LRRTM4: variants seen among roughly 807,000 people sequenced by gnomAD.
The protein encoded by LRRTM4 is leucine rich repeat transmembrane neuronal 4, also known as leucine-rich repeat transmembrane neuronal protein 4.
In LRRTM4, 25 loss-of-function variants were observed where a neutral mutation model predicts 47.6. The ratio of observed to expected loss-of-function variants is 0.53; its 90% CI spans 0.38 to 0.73. The LOEUF (loss-of-function observed/expected upper bound fraction) is 0.73, where lower values mean the gene tolerates loss of function less well. LRRTM4 is among the 30% of genes least tolerant of loss of function. LRRTM4 has a pLI of 0.00. For synonymous variants in LRRTM4, 311 were observed against 269.5 expected (o/e 1.15, Z -1.51); for missense variants, 638 against 713.4 (o/e 0.89, Z 1.20).
intron 3 of LRRTM4, among the ~76,000 whole-genome samples, chr2:77,414,792 G>A (rs181652620): frequency 2.6e-5 from 4 of 152,246 alleles, no homozygotes; most frequent in South Asian, 2.1e-4. Flanking sequence ...CTCCTGCCCC[G>A]CTCTATACCA....
At chr2:77,220,405 T>A (rs1192936456) in intron 3 of LRRTM4, among the ~76,000 whole-genome samples, 1 of 151,978 alleles carries the variant, frequency 6.6e-6, no homozygotes, top group Admixed American at 6.6e-5. Flanking sequence ...ATCAAACTAC[T>A]CCGAGCTAAA....
At chr2:77,361,205 C>G (rs1437712005) in intron 3 of LRRTM4, among the ~76,000 whole-genome samples, 1 of 151,354 alleles carries the variant, frequency 6.6e-6, no homozygotes, top group African/African-American at 2.4e-5. Flanking sequence ...CCACTCACTT[C>G]TCTTAGCACA....
At chr2:77,380,821 C>A (rs145719453) in intron 3 of LRRTM4, among the ~76,000 whole-genome samples, 1 of 150,596 alleles carries the variant, frequency 6.6e-6, no homozygotes, top group African/African-American at 2.4e-5. Flanking sequence ...AAAAGACTTA[C>A]GGTACACTAT....
At chr2:77,117,572 C>G (rs1345189567) in intron 3 of LRRTM4, among the ~76,000 whole-genome samples, 1 of 151,684 alleles carries the variant, frequency 6.6e-6, no homozygotes, top group Non-Finnish European at 1.5e-5. Flanking sequence ...TATCTAAAAA[C>G]TTTTTGTTCC....
intron 3 of LRRTM4, among the ~76,000 whole-genome samples, chr2:77,138,914 C>G (rs1274654407): frequency 1.3e-5 from 2 of 152,110 alleles, no homozygotes; most frequent in Non-Finnish European, 2.9e-5. Context: ...ACTCCCAAGA[C>G]TAAACCAGGA....
At chr2:77,054,185 C>T (rs1241531279) in intron 3 of LRRTM4, among the ~76,000 whole-genome samples, 1 of 152,108 alleles carries the variant, frequency 6.6e-6, no homozygotes, top group East Asian at 1.9e-4. Context: ...AGAGACGGTG[C>T]CTTGGGAGAG....
At chr2:76,831,711 G>C (rs543743966) in intron 3 of LRRTM4, among the ~76,000 whole-genome samples, 2 of 152,226 alleles carry the variant, frequency 1.3e-5, no homozygotes, top group East Asian at 3.9e-4. Flanking sequence ...GTATCAGGGA[G>C]AAAGAATATT....
At chr2:77,193,846 C>T (rs1450973227) in intron 3 of LRRTM4, among the ~76,000 whole-genome samples, 1 of 152,228 alleles carries the variant, frequency 6.6e-6, no homozygotes, top group African/African-American at 2.4e-5. Context: ...CACTGACCTG[C>T]GTTTATATCC....
chr2:77,521,210 G>T (rs890312781), intron 2 of LRRTM4, among the ~76,000 whole-genome samples: 8 of 151,886 alleles, frequency 5.3e-5, no homozygotes, highest in Admixed American at 1.3e-4. Flanking sequence ...CGGAAGCTGT[G>T]TTCAGGATCC....
chr2:76,827,310 G>A (rs1371619567), intron 3 of LRRTM4, among the ~76,000 whole-genome samples: 1 of 151,844 alleles, frequency 6.6e-6, no homozygotes, highest in Non-Finnish European at 1.5e-5. Flanking sequence ...CACATGAAGA[G>A]AAAGATTTGG....
At chr2:77,062,872 T>C (rs1679832706) in intron 3 of LRRTM4, among the ~76,000 whole-genome samples, 1 of 152,080 alleles carries the variant, frequency 6.6e-6, no homozygotes, top group Non-Finnish European at 1.5e-5. Context: ...TTGTTGTCAG[T>C]GCAAATTGTA....
chr2:77,069,336 G>C (rs961937544), intron 3 of LRRTM4, among the ~76,000 whole-genome samples: 2 of 151,080 alleles, frequency 1.3e-5, no homozygotes, highest in African/African-American at 2.4e-5. Flanking sequence ...ATGTGGATAC[G>C]TTTTTTAGAT....
chr2:76,982,778 G>C (rs143668874), intron 3 of LRRTM4, among the ~76,000 whole-genome samples: 365 of 152,056 alleles, frequency 2.4e-3, no homozygotes, highest in Non-Finnish European at 4.5e-3. Context: ...AAATAGATTT[G>C]CAAAAAATAG....
At chr2:76,992,317 A>G (rs868316065) in intron 3 of LRRTM4, among the ~76,000 whole-genome samples, 5 of 151,924 alleles carry the variant, frequency 3.3e-5, no homozygotes, top group Middle Eastern at 3.4e-3. Flanking sequence ...AATGAAAGGC[A>G]TCCAAATAGA....
chr2:77,344,398 T>A (rs1310518413), intron 3 of LRRTM4, among the ~76,000 whole-genome samples: 1 of 151,708 alleles, frequency 6.6e-6, no homozygotes, highest in Non-Finnish European at 1.5e-5. Flanking sequence ...ATGGAAATTT[T>A]AGAACTAAAA....
rs73943843 is a variant in LRRTM4 at position 77,301,392 on chromosome 2, A to G, written c.1551+216926T>C. Among the ~76,000 whole-genome samples the G allele has an allele frequency of 3.8e-3, 576 of 152,228 alleles. 5 individuals carry two copies. The highest frequency in any genetic ancestry group is 0.013 in the African/African-American group (549 of 41,558). On this transcript the variant is annotated intron_variant, in intron 3 of 3. Coordinates refer to ENST00000409884, the MANE Select transcript of LRRTM4 (RefSeq NM_001134745.3). ...CTACCAACATAAAATATTATAAGAT[A>G]TTTAATAAATAAGAATGGCATTTCA...
rs754324632 is a variant in LRRTM4, at chr2:77,278,253, A to G, written c.1551+240065T>C. On this transcript the variant is annotated intron_variant, in intron 3 of 3. Coordinates refer to ENST00000409884, the MANE Select transcript of LRRTM4 (RefSeq NM_001134745.3). ...TCCTCAGGAGCCCTTTCTATTTTTA[A>G]CAGTTCTTATAATCACCAGAAAAAT... Among the ~76,000 whole-genome samples, 53 of 152,046 alleles carry G rather than the reference A, an allele frequency of 3.5e-4. 2 individuals are homozygous for G. The highest frequency in any genetic ancestry group is 8.8e-5 in the Non-Finnish European group (6 of 67,974).
rs563140484 is a variant in LRRTM4 at position 77,161,450 on chromosome 2, C to T, written c.1551+356868G>A. On this transcript the variant is annotated intron_variant, in intron 3 of 3. Coordinates refer to ENST00000409884, the MANE Select transcript of LRRTM4 (RefSeq NM_001134745.3). The stretch of plus-strand genomic sequence containing the variant: ...AGCAGTATCTCCCATCCTCCTGGTT[C>T]GGTTGCCTTGTGATAATTAAACTCT... Among the ~76,000 whole-genome samples the T allele has an allele frequency of 5.9e-5, 9 of 152,268 alleles. No individual in the cohort carries two copies. In the South Asian group the frequency reaches 6.2e-4, roughly 11 times the overall value.
intron 3 of LRRTM4, among the ~76,000 whole-genome samples, chr2:77,177,253 T>G (rs1264757187): frequency 2.6e-5 from 4 of 152,300 alleles, no homozygotes; most frequent in Non-Finnish European, 5.9e-5. Flanking sequence ...CATGGTCTCC[T>G]GGGCTGAACC....
Sources: allele counts gnomAD v4.1 joint callset (sites outside exome capture counted in the v4.1 genomes callset), GRCh38; gene constraint gnomAD v4.1.1; transcripts MANE v1.5; gene names NCBI Gene and HGNC (gene_info 2026-07-23, HGNC 2026-07-21).